The following NRG3 variants were observed in gnomAD, a reference collection of about 807,000 sequenced individuals.
NRG3 encodes neuregulin 3.
In NRG3, 31 loss-of-function variants were observed where a neutral mutation model predicts 66.9. That is an observed-to-expected ratio of 0.46 (90% CI 0.35 to 0.63). NRG3 has a LOEUF of 0.63. NRG3 is among the 20% of genes least tolerant of loss of function. The pLI is 0.00. For synonymous variants in NRG3, 393 were observed against 359.4 expected, an observed-to-expected ratio of 1.09 and a Z score of -1.06; for missense variants, 910 against 878.9, an observed-to-expected ratio of 1.04 and a Z score of -0.45.
intron 1 of NRG3, among the ~76,000 whole-genome samples, chr10:82,183,210 C>T (rs2073552458): frequency 6.6e-6 from 1 of 151,798 alleles, no homozygotes; most frequent in African/African-American, 2.4e-5. Flanking sequence ...TTTAAATAAA[C>T]TTTTTTTTCT....
At chr10:82,963,429 C>G (rs1850875733) in intron 6 of NRG3, among the ~76,000 whole-genome samples, 1 of 152,168 alleles carries the variant, frequency 6.6e-6, no homozygotes, top group Admixed American at 6.5e-5. Flanking sequence ...GCCTGTAATC[C>G]CAGCACTTTG....
chr10:82,778,553 C>T (rs1359395486), intron 3 of NRG3, among the ~76,000 whole-genome samples: 1 of 152,120 alleles, frequency 6.6e-6, no homozygotes, highest in Non-Finnish European at 1.5e-5. Context: ...GGGAACCGCC[C>T]CTACGATCCA....
intron 2 of NRG3, among the ~76,000 whole-genome samples, chr10:82,554,477 A>G (rs1426707088): frequency 6.6e-6 from 1 of 152,182 alleles, no homozygotes; most frequent in Non-Finnish European, 1.5e-5. Context: ...ATTTGCAATG[A>G]CTTCATAGTT....
At chr10:82,819,010 A>AT (rs1451818665) in intron 3 of NRG3, among the ~76,000 whole-genome samples, 1 of 152,184 alleles carries the variant, frequency 6.6e-6, no homozygotes, top group Non-Finnish European at 1.5e-5. Flanking sequence ...AATTTTAATG[A>AT]TTTTTTTAAA....
chr10:82,984,899 G>A, intron 8 of NRG3, 199 bp from the exon 9 acceptor site: 1 of 1,347,738 alleles, frequency 7.4e-7, no homozygotes, highest in Non-Finnish European at 1.1e-6. Flanking sequence ...CTTATTTTCT[G>A]TGTGACCTTG....
rs557264357 is a variant in NRG3 at position 82,073,122 on chromosome 10, A to G, written c.823+196959A>G. On this transcript the variant is annotated intron_variant, in intron 1 of 8. Transcript: ENST00000372141. ...AAAATTAGGAAGAAGTGAAAAAAAA[A>G]AATAAGGGATGTGATCCCTTATGTG... 2.0e-5 allele frequency among the ~76,000 whole-genome samples: 3 copies of G among 152,248 alleles called. 1 individual carries two copies. In the South Asian group the frequency reaches 6.2e-4, roughly 32 times the overall value.
At chr10:82,746,794 A>G (rs1485835550) in intron 3 of NRG3, among the ~76,000 whole-genome samples, 1 of 152,138 alleles carries the variant, frequency 6.6e-6, no homozygotes, top group Non-Finnish European at 1.5e-5. Context: ...GCCTTACAAA[A>G]TTAGGATTGG....
chr10:82,771,750 A>G (rs1322954420), intron 3 of NRG3, among the ~76,000 whole-genome samples: 1 of 152,212 alleles, frequency 6.6e-6, no homozygotes, highest in Non-Finnish European at 1.5e-5. Flanking sequence ...TTAGTGGCTG[A>G]CATCAAATTG....
At chr10:81,948,031 A>C (rs923974146) in intron 1 of NRG3, among the ~76,000 whole-genome samples, 7 of 152,096 alleles carry the variant, frequency 4.6e-5, no homozygotes, top group African/African-American at 7.2e-5. Context: ...TCCTTGTCTG[A>C]AGGTTGCTTA....
intron 1 of NRG3, among the ~76,000 whole-genome samples, chr10:81,906,362 T>A (rs1464705157): frequency 1.3e-5 from 2 of 152,326 alleles, no homozygotes; most frequent in Non-Finnish European, 2.9e-5. Flanking sequence ...GTTATTTCAA[T>A]GAAGAGCTCC....
intron 3 of NRG3, among the ~76,000 whole-genome samples, chr10:82,744,915 G>A (rs1423898511): frequency 1.3e-5 from 2 of 152,014 alleles, no homozygotes; most frequent in Admixed American, 1.3e-4. Flanking sequence ...TATTATTTTT[G>A]TTGTTTCAAC....
intron 3 of NRG3, among the ~76,000 whole-genome samples, chr10:82,778,540 T>C (rs1428759885): frequency 6.6e-6 from 1 of 152,068 alleles, no homozygotes; most frequent in Non-Finnish European, 1.5e-5. Flanking sequence ...GAAAAAAGCA[T>C]GGGGGAACCG....
intron 1 of NRG3, among the ~76,000 whole-genome samples, chr10:82,200,630 AAG>A (rs1309145095): frequency 6.6e-6 from 1 of 152,146 alleles, no homozygotes; most frequent in African/African-American, 2.4e-5. Context: ...CCTATGACGC[AAG>A]AGGAAGAGAG....
At chr10:81,963,990 C>A (rs552462221) in intron 1 of NRG3, among the ~76,000 whole-genome samples, 1 of 152,034 alleles carries the variant, frequency 6.6e-6, no homozygotes, top group South Asian at 2.1e-4. Flanking sequence ...TTTAATCGTA[C>A]AAAAAATACA....
At chr10:82,975,107 A>G (rs1188736930) in intron 7 of NRG3, among the ~76,000 whole-genome samples, 3 of 152,180 alleles carry the variant, frequency 2.0e-5, no homozygotes, top group Admixed American at 2.0e-4. Context: ...GTTTTGATTT[A>G]TATCAATGTT....
intron 4 of NRG3, among the ~76,000 whole-genome samples, chr10:82,930,785 T>G (rs7075667): frequency 0.094 from 14,276 of 152,184 alleles, 896 homozygotes; most frequent in African/African-American, 0.16. Flanking sequence ...GGAGGTTACT[T>G]TCACTGGCTT....
chr10:82,983,292 TCTTTA>T (rs1475634483), intron 8 of NRG3, among the ~76,000 whole-genome samples: 1 of 152,220 alleles, frequency 6.6e-6, no homozygotes, highest in East Asian at 1.9e-4. Flanking sequence ...TGAAATTTTT[TCTTTA>T]CTTCTTGTTG....
chr10:82,718,653 G>A (rs1370225815), intron 2 of NRG3, among the ~76,000 whole-genome samples: 4 of 152,158 alleles, frequency 2.6e-5, no homozygotes, highest in African/African-American at 7.2e-5. Flanking sequence ...ACAACACAGG[G>A]TGGAATATGT....
intron 1 of NRG3, among the ~76,000 whole-genome samples, chr10:82,002,646 G>A (rs548619273): frequency 6.6e-6 from 1 of 152,252 alleles, no homozygotes; most frequent in African/African-American, 2.4e-5. Flanking sequence ...GCTTGGCGTA[G>A]TGTGGATAAT....
Sources: gnomAD v4.1 joint callset for allele counts (sites outside exome capture counted in the v4.1 genomes callset) on GRCh38, gnomAD v4.1.1 for gene constraint, MANE v1.5 for transcripts, NCBI Gene and HGNC (gene_info 2026-07-23, HGNC 2026-07-21) for gene names.